The following ABAT variants were observed in gnomAD, a reference collection of about 807,000 sequenced individuals.
ABAT encodes 4-aminobutyrate aminotransferase.
A neutral mutation model predicts 64.6 loss-of-function variants in ABAT; 45 were observed. That is an observed-to-expected ratio of 0.70 (90% CI 0.55 to 0.89). ABAT has a LOEUF of 0.89. Among genes scored for constraint, ABAT ranks in the 40% least tolerant of loss-of-function variants. ABAT has a pLI of 0.00. For missense variants in ABAT, 633 were observed against 658.4 expected (o/e 0.96, Z 0.42); for synonymous variants, 297 against 250.5 (o/e 1.19, Z -1.75).
rs776017088 is a variant in ABAT at position 8,779,508 on chromosome 16, G to A, written c.1299G>A (p.Val433=). ...QARYPQFISR[V]RGRGTFCSFD... is the part of the protein sequence containing the mutation. Reference sequence around the variant, plus strand: ...GGTACCCCCAGTTCATCAGCAGGGTGAGAGGACGAGGCACCTTTTGCTCCT... The same window carrying A: ...GGTACCCCCAGTTCATCAGCAGGGTAAGAGGACGAGGCACCTTTTGCTCCT... The change falls in exon 15 of 16, where the codon GTG becomes GTA. Residue 433 remains valine (V), a synonymous_variant. Transcript: ENST00000268251. 24 of 1,614,202 alleles carry A rather than the reference G, an allele frequency of 1.5e-5. No homozygotes were observed. The South Asian group carries it at 2.5e-4, about 17-fold the overall frequency.
At chr16:8,690,035 T>C (rs2057544573) in intron 1 of ABAT, among the ~76,000 whole-genome samples, 1 of 152,184 alleles carries the variant, frequency 6.6e-6, no homozygotes, top group South Asian at 2.1e-4. Flanking sequence ...ACAACTAGGG[T>C]TGCTTCTTGG....
chr16:8,763,547 C>T (rs1339432822), intron 6 of ABAT, among the ~76,000 whole-genome samples: 1 of 152,218 alleles, frequency 6.6e-6, no homozygotes, highest in Non-Finnish European at 1.5e-5. Context: ...GCCCAAGACA[C>T]TCTTTCTCTA....
intron 1 of ABAT, chr16:8,722,859 G>A (rs1311623269): frequency 1.6e-6 from 2 of 1,288,972 alleles, no homozygotes; most frequent in Admixed American, 2.3e-5. Context: ...GCAAGGCTTG[G>A]GGAAAATGCT....
Position 8,781,864 on chromosome 16 carries a change from C to T in ABAT, c.*434C>T, listed in dbSNP as rs942688128. 8.9e-6 allele frequency: 3 copies of T among 338,562 alleles called. No individual in the cohort carries two copies. The highest frequency in any genetic ancestry group is 1.5e-4 in the East Asian group (2 of 13,122). 21.0% of individuals were successfully genotyped at this position (338,562 alleles called of 1,614,324 possible). Reference sequence around the variant, plus strand: ...GTGATCACGGATGTTGGCTCCCCCTCGCCCTATGCAAGCAAACACACTCTC... The same window carrying T: ...GTGATCACGGATGTTGGCTCCCCCTTGCCCTATGCAAGCAAACACACTCTC... On this transcript the variant is annotated 3_prime_UTR_variant, in exon 16 of 16. Transcript: ENST00000268251. This position sits in a 1 kb window ranked among gnomAD's most constrained non-coding sequence, Gnocchi z 4.5.
intron 11 of ABAT, among the ~76,000 whole-genome samples, chr16:8,770,813 T>C (rs1048946549): frequency 6.6e-6 from 1 of 152,194 alleles, no homozygotes; most frequent in African/African-American, 2.4e-5. Flanking sequence ...GAACCGAATA[T>C]ATTCAAAATA....
rs141679406 is a variant in ABAT, at chr16:8,723,062, G to T, written c.-41-12637G>T. The stretch of plus-strand genomic sequence containing the variant: ...AGCCTAGCCAACATGGTGAAACCCT[G>T]TCTCTACAAAACATACAAAAATTAG... On this transcript the variant is annotated intron_variant, in intron 1 of 15. Transcript: ENST00000268251. Among the ~76,000 whole-genome samples, 1,180 of 152,158 alleles carry T rather than the reference G, an allele frequency of 7.8e-3. 14 individuals are homozygous for T. Among genetic ancestry groups the T allele is most frequent in the African/African-American group, 0.027 (1,126 of 41,498 alleles).
chr16:8,777,046 G>A (rs2060287257), intron 14 of ABAT, among the ~76,000 whole-genome samples: 1 of 152,092 alleles, frequency 6.6e-6, no homozygotes, highest in Admixed American at 6.5e-5. Flanking sequence ...TTACGGGCAT[G>A]TGCCGTTATG....
rs549932422 is a variant in ABAT, at chr16:8,783,801, T to C, written c.*2371T>C. On this transcript the variant is annotated 3_prime_UTR_variant, in exon 16 of 16. Coordinates refer to ENST00000268251, the MANE Select transcript of ABAT (RefSeq NM_020686.6). ...TCTTTGGTAGGGAGAGGGGCTCCAA[T>C]ATTTCGTTCTCTCCCCATGGGGCAC... 6.6e-6 allele frequency: 1 copy of C among 152,312 alleles called. No homozygotes were observed. Among genetic ancestry groups the C allele is most frequent in the South Asian group, 2.1e-4 (1 of 4,822 alleles). The allele number at this position is 152,312 out of a possible 1,614,324, so 9.4% of individuals were successfully genotyped here.
rs1166324400 is a variant in ABAT at position 8,764,463 on chromosome 16, G to A, written c.448-275G>A. Among the ~76,000 whole-genome samples, 3 of 152,122 alleles carry A rather than the reference G, an allele frequency of 2.0e-5. No individual in the cohort carries two copies. The highest frequency in any genetic ancestry group is 2.1e-4 in the South Asian group (1 of 4,822). On this transcript the variant is annotated intron_variant, in intron 7 of 15. Coordinates refer to ENST00000268251, the MANE Select transcript of ABAT (RefSeq NM_020686.6). The surrounding 1 kb of genome is among the most constrained non-coding windows in gnomAD (Gnocchi z 4.2). The stretch of plus-strand genomic sequence containing the variant: ...AAGCCATTGGGAGCCTCAACGTCCC[G>A]CCTGGAACGTGTAGGTGTCTTAGAC...
At chr16:8,747,431 C>T (rs977731338) in intron 3 of ABAT, among the ~76,000 whole-genome samples, 7 of 151,882 alleles carry the variant, frequency 4.6e-5, no homozygotes, top group East Asian at 1.9e-4. Flanking sequence ...GCTAACAAAA[C>T]GGGAGACATT....
At chr16:8,679,526 CAAAA>C (rs35069718) in intron 1 of ABAT, among the ~76,000 whole-genome samples, 1 of 133,692 alleles carries the variant, frequency 7.5e-6, no homozygotes. Flanking sequence ...ACATGAAAGC[CAAAA>C]AAAAAAAAAA....
Position 8,712,111 on chromosome 16 carries a change from A to C in ABAT, c.-41-23588A>C, listed in dbSNP as rs144891163. Among the ~76,000 whole-genome samples, 448 of 152,014 alleles carry C rather than the reference A, an allele frequency of 2.9e-3. 1 individual carries two copies. The highest frequency in any genetic ancestry group is 0.01 in the African/African-American group (433 of 41,474). On this transcript the variant is annotated intron_variant, in intron 1 of 15. Transcript: ENST00000268251. ...CTGGGCGTGGTTGCTTGTACCTGTAATCCCAGCTACTTGGGAGGCTGAGGC... is the reference window on the plus strand; with the variant it reads ...CTGGGCGTGGTTGCTTGTACCTGTACTCCCAGCTACTTGGGAGGCTGAGGC...
At chr16:8,748,935 C>T (rs936734994) in intron 4 of ABAT, among the ~76,000 whole-genome samples, 2 of 152,100 alleles carry the variant, frequency 1.3e-5, no homozygotes, top group Non-Finnish European at 2.9e-5. Context: ...TAAACAGCAT[C>T]GAGTTGGTTC....
intron 10 of ABAT, 55 bp downstream of exon 10, chr16:8,768,311 G>A: frequency 2.6e-6 from 4 of 1,559,646 alleles, no homozygotes; most frequent in Non-Finnish European, 3.5e-6. Flanking sequence ...AATAATAACG[G>A]CAACAATAGC....
At chr16:8,744,828 T>C (rs970160173) in intron 2 of ABAT, among the ~76,000 whole-genome samples, 1 of 151,982 alleles carries the variant, frequency 6.6e-6, no homozygotes, top group Non-Finnish European at 1.5e-5. Flanking sequence ...AGATCGTGTC[T>C]CTGCATGCTA....
chr16:8,713,272 C>A (rs924158913), intron 1 of ABAT: 1 of 136,234 alleles, frequency 7.3e-6, no homozygotes, highest in Non-Finnish European at 1.7e-5. Flanking sequence ...TTCAGGGGTT[C>A]CTGAGCCTGT....
At chr16:8,686,281 C>G (rs1263620142) in intron 1 of ABAT, among the ~76,000 whole-genome samples, 1 of 152,202 alleles carries the variant, frequency 6.6e-6, no homozygotes, top group African/African-American at 2.4e-5. Context: ...AATTTGCATG[C>G]CTGGCATCCT....
chr16:8,707,341 C>A (rs943275569), intron 1 of ABAT, among the ~76,000 whole-genome samples: 2 of 125,374 alleles, frequency 1.6e-5, no homozygotes, highest in Non-Finnish European at 3.3e-5. Context: ...CACACACTAC[C>A]ATGCCAGGGT....
chr16:8,685,632 C>T (rs1024668016), intron 1 of ABAT, among the ~76,000 whole-genome samples: 1 of 152,004 alleles, frequency 6.6e-6, no homozygotes, highest in African/African-American at 2.4e-5. Flanking sequence ...GCCAAGATTA[C>T]GCCACTGCAC....
Sources: gnomAD v4.1 joint callset for allele counts (sites outside exome capture counted in the v4.1 genomes callset) on GRCh38, gnomAD v4.1.1 for gene constraint, Gnocchi (gnomAD v3.1) non-coding constraint, MANE v1.5 for transcripts, NCBI Gene and HGNC (gene_info 2026-07-23, HGNC 2026-07-21) for gene names.